Variants in RNF212 observed in about 807,000 individuals in gnomAD.
RNF212 encodes the protein probable E3 SUMO-protein ligase RNF212.
Under a neutral mutation model 34.7 loss-of-function variants are expected in RNF212, and 33 were observed. The observed-to-expected ratio is 0.95, with a 90% CI of 0.72 to 1.27. The LOEUF is 1.27. Among genes scored for constraint, RNF212 ranks in the 50% most tolerant of loss-of-function variants. The pLI is 0.00. For synonymous variants in RNF212, 140 were observed against 136.1 expected, an observed-to-expected ratio of 1.03 and a Z score of -0.20; for missense variants, 377 against 362.2, an observed-to-expected ratio of 1.04 and a Z score of -0.33.
intron 5 of RNF212, among the ~76,000 whole-genome samples, chr4:1,083,614 G>C (rs1720701504): frequency 6.6e-6 from 1 of 151,160 alleles, no homozygotes; most frequent in African/African-American, 2.4e-5. Context: ...CTCCAGCCTG[G>C]GTGACAGAGT....
At chr4:1,062,163 G>A (rs1470563841) in intron 3 of RNF212, among the ~76,000 whole-genome samples, 5 of 152,170 alleles carry the variant, frequency 3.3e-5, no homozygotes, top group Non-Finnish European at 7.3e-5. Flanking sequence ...ACCAAAAGCA[G>A]ACAGAAACGT....
intron 8 of RNF212, among the ~76,000 whole-genome samples, chr4:1,075,190 G>A (rs375492402): frequency 6.6e-6 from 1 of 152,190 alleles, no homozygotes; most frequent in African/African-American, 2.4e-5. Context: ...GCATCGGTGT[G>A]TTCACATCTG....
At chr4:1,091,106 A>G (rs1447732588) in intron 3 of RNF212, among the ~76,000 whole-genome samples, 1 of 152,210 alleles carries the variant, frequency 6.6e-6, no homozygotes, top group Non-Finnish European at 1.5e-5. Context: ...TGCTGGGCCA[A>G]TCACAGGGTG....
chr4:1,096,900 T>C, intron 2 of RNF212, 61 bp from the exon 3 acceptor site: 1 of 1,255,140 alleles, frequency 8.0e-7, no homozygotes, highest in Non-Finnish European at 1.2e-6. Flanking sequence ...TGGCCCCCAG[T>C]TAAAAACTGT....
intron 3 of RNF212, chr4:1,094,099 G>A: frequency 7.0e-7 from 1 of 1,435,518 alleles, no homozygotes; most frequent in Non-Finnish European, 9.2e-7. Flanking sequence ...CAGCCTGAAG[G>A]CACAAGCCCA....
chr4:1,113,548 A>C lies in RNF212; in HGVS notation c.-84T>G. 1.7e-6 allele frequency: 2 copies of C among 1,147,126 alleles called. No homozygotes were observed. Among genetic ancestry groups the C allele is most frequent in the South Asian group, 1.4e-5 (1 of 70,140 alleles). The allele number at this position is 1,147,126 out of a possible 1,614,324, so 71.1% of individuals were successfully genotyped here. A position where few individuals can be genotyped will look rare whatever the true frequency, so the allele number is the denominator to read the frequency against. ...GACCAGCCTCCCCGCGCAGGGCCCGAAGGCGGGCAGCTCTGCGCCTGCGCA... is the reference window on the plus strand; with the variant it reads ...GACCAGCCTCCCCGCGCAGGGCCCGCAGGCGGGCAGCTCTGCGCCTGCGCA... On this transcript the variant is annotated 5_prime_UTR_variant, in exon 1 of 10. Coordinates refer to ENST00000433731, the MANE Select transcript of RNF212 (RefSeq NM_001131034.4).
chr4:1,061,542 C>T (rs1418226968), intron 3 of RNF212, among the ~76,000 whole-genome samples: 3 of 152,208 alleles, frequency 2.0e-5, no homozygotes, highest in Non-Finnish European at 2.9e-5. Context: ...AGTGATGCCA[C>T]AGGGGACCAG....
chr4:1,109,368 C>G (rs1725308922), intron 1 of RNF212, among the ~76,000 whole-genome samples: 1 of 152,182 alleles, frequency 6.6e-6, no homozygotes, highest in African/African-American at 2.4e-5. Context: ...AAATGAACCT[C>G]AAGCTTGATT....
In RNF212 at chr4:1,093,152, G is replaced by A. The variant is rs932339070; in HGVS notation, c.247-2314C>T. Reference sequence around the variant, plus strand: ...GCAGTGGCTGAGGTGGTTTGTTGACGCTGTCCCAGGGCAGGTCCTGAGGCC... The same window carrying A: ...GCAGTGGCTGAGGTGGTTTGTTGACACTGTCCCAGGGCAGGTCCTGAGGCC... On this transcript the variant is annotated intron_variant, in intron 3 of 9. Transcript: ENST00000433731. 4.9e-4 allele frequency among the ~76,000 whole-genome samples: 74 copies of A among 152,168 alleles called. 4 individuals are homozygous for A. Among genetic ancestry groups the A allele is most frequent in the African/African-American group, 2.4e-5 (1 of 41,426 alleles).
At chr4:1,098,978 A>AG (rs1265317573) in intron 2 of RNF212, among the ~76,000 whole-genome samples, 1 of 152,198 alleles carries the variant, frequency 6.6e-6, no homozygotes, top group Non-Finnish European at 1.5e-5. Context: ...CTTCTGGGTG[A>AG]GGGGGACTGA....
intron 1 of RNF212, among the ~76,000 whole-genome samples, chr4:1,108,788 CCCCCGGGCTCAACAGTCTT>C (rs1315568650): frequency 6.6e-6 from 1 of 152,016 alleles, no homozygotes; most frequent in African/African-American, 2.4e-5. Context: ...AGCCTTGACA[CCCCCGGGCTCAACAGTCTT>C]CCCCTCTCAG....
At chr4:1,094,954 T>C (rs1008981260) in intron 3 of RNF212, among the ~76,000 whole-genome samples, 4 of 152,186 alleles carry the variant, frequency 2.6e-5, no homozygotes, top group Non-Finnish European at 5.9e-5. Flanking sequence ...GTTTCACCAT[T>C]AAGAAAGTAA....
chr4:1,073,412 A>C (rs1718750884), intron 9 of RNF212, among the ~76,000 whole-genome samples, 187 bp downstream of exon 9: 1 of 152,124 alleles, frequency 6.6e-6, no homozygotes, highest in Non-Finnish European at 1.5e-5. Flanking sequence ...CACGGTCATC[A>C]GGAGCTTCTC....
chr4:1,107,650 C>A (rs537245134), intron 2 of RNF212, among the ~76,000 whole-genome samples: 1 of 152,216 alleles, frequency 6.6e-6, no homozygotes, highest in Admixed American at 6.5e-5. Context: ...TGGGGTTTCA[C>A]TGAGTTGGCC....
intron 3 of RNF212, among the ~76,000 whole-genome samples, chr4:1,062,680 G>A (rs1717825944): frequency 6.6e-6 from 1 of 152,092 alleles, no homozygotes; most frequent in Non-Finnish European, 1.5e-5. Flanking sequence ...ACAAATGAAA[G>A]TCCTGCAGTG....
intron 3 of RNF212, among the ~76,000 whole-genome samples, chr4:1,064,597 C>T (rs1717966643): frequency 6.6e-6 from 1 of 151,994 alleles, no homozygotes; most frequent in Admixed American, 6.6e-5. Context: ...TGTGTGTGTG[C>T]AGAGTTAGTA....
At chr4:1,085,690 C>T (rs1266930412) in intron 5 of RNF212, 8 of 593,166 alleles carry the variant, frequency 1.3e-5, no homozygotes, top group African/African-American at 9.3e-5. Context: ...CCATTCATCT[C>T]TTTTTCACTT....
At chr4:1,083,039 G>A (rs1035671350) in intron 5 of RNF212, among the ~76,000 whole-genome samples, 1 of 152,224 alleles carries the variant, frequency 6.6e-6, no homozygotes, top group African/African-American at 2.4e-5. Context: ...GTCTGGGGCG[G>A]GTCAGCTGGG....
intron 5 of RNF212, among the ~76,000 whole-genome samples, chr4:1,082,782 T>C (rs951644624): frequency 6.6e-6 from 1 of 152,244 alleles, no homozygotes; most frequent in Non-Finnish European, 1.5e-5. Context: ...AGAATGCACC[T>C]GGTGCTCAGT....
Sources: gnomAD v4.1 joint callset for allele counts (sites outside exome capture counted in the v4.1 genomes callset) on GRCh38, gnomAD v4.1.1 for gene constraint, MANE v1.5 for transcripts, NCBI Gene and HGNC (gene_info 2026-07-23, HGNC 2026-07-21) for gene names.